Variants in SPIDR observed in about 807,000 individuals in gnomAD.
SPIDR encodes the protein scaffold protein involved in DNA repair.
Under a neutral mutation model 104.6 loss-of-function variants are expected in SPIDR, and 93 were observed. The observed-to-expected ratio is 0.89, with a 90% CI of 0.75 to 1.06. The LOEUF is 1.06. SPIDR is among the 50% of genes least tolerant of loss of function. SPIDR has a pLI of 0.00. For synonymous variants in SPIDR, 431 were observed against 416.9 expected, an observed-to-expected ratio of 1.03 and a Z score of -0.41; for missense variants, 1,154 against 1,111.2, an observed-to-expected ratio of 1.04 and a Z score of -0.55.
At chr8:47,502,770 A>G (rs189963943) in intron 8 of SPIDR, among the ~76,000 whole-genome samples, 4 of 152,162 alleles carry the variant, frequency 2.6e-5, no homozygotes, top group East Asian at 3.8e-4. Flanking sequence ...TCTTATGGGC[A>G]TTTAGTGCTA....
chr8:47,371,426 T>G (rs2058009718), intron 5 of SPIDR, among the ~76,000 whole-genome samples: 1 of 152,074 alleles, frequency 6.6e-6, no homozygotes, highest in Admixed American at 6.6e-5. Flanking sequence ...CAACAGAAAT[T>G]TCTCAGTTTT....
At chr8:47,412,700 C>T (rs781814068) in intron 7 of SPIDR, among the ~76,000 whole-genome samples, 7 of 152,176 alleles carry the variant, frequency 4.6e-5, no homozygotes, top group African/African-American at 9.7e-5. Context: ...TATGTTATCT[C>T]ATTTTAGTCT....
chr8:47,400,757 A>G (rs1554662065), intron 6 of SPIDR, among the ~76,000 whole-genome samples: 1 of 151,648 alleles, frequency 6.6e-6, no homozygotes, highest in African/African-American at 2.4e-5. Flanking sequence ...TAGATATTTA[A>G]GTGTGTTGGT....
chr8:47,359,776 C>T (rs1180057055), intron 5 of SPIDR, among the ~76,000 whole-genome samples: 1 of 152,116 alleles, frequency 6.6e-6, no homozygotes, highest in African/African-American at 2.4e-5. Flanking sequence ...TAGTGGTTTT[C>T]ATTTTGGAAT....
At chr8:47,301,744 C>G (rs1403133341) in intron 5 of SPIDR, among the ~76,000 whole-genome samples, 1 of 125,532 alleles carries the variant, frequency 8.0e-6, no homozygotes, top group Non-Finnish European at 1.7e-5. Flanking sequence ...GTTGAAAATT[C>G]TTGTCTTTAA....
chr8:47,703,142 G>A (rs1270005191), intron 14 of SPIDR, among the ~76,000 whole-genome samples: 7 of 152,272 alleles, frequency 4.6e-5, no homozygotes, highest in South Asian at 2.1e-4. Context: ...ACCCCGACAC[G>A]CTTGTTAGGA....
intron 8 of SPIDR, among the ~76,000 whole-genome samples, chr8:47,477,244 G>C (rs1715123206): frequency 1.3e-5 from 2 of 152,020 alleles, no homozygotes; most frequent in South Asian, 4.1e-4. Flanking sequence ...CTGTTGCCCA[G>C]GTTGGAGTGC....
At chr8:47,546,951 T>C in intron 8 of SPIDR, 1 of 489,492 alleles carries the variant, frequency 2.0e-6, no homozygotes, top group Non-Finnish European at 4.0e-6. Flanking sequence ...AGCTGTTCCA[T>C]TGGCATCTTT....
intron 8 of SPIDR, among the ~76,000 whole-genome samples, chr8:47,462,848 G>C (rs556113354): frequency 1.2e-4 from 18 of 152,126 alleles, no homozygotes; most frequent in Middle Eastern, 3.4e-3. Context: ...GAAAAAACTG[G>C]TCAAATTACT....
intron 10 of SPIDR, among the ~76,000 whole-genome samples, chr8:47,642,425 A>G (rs1188015724): frequency 6.6e-6 from 1 of 151,704 alleles, no homozygotes; most frequent in Non-Finnish European, 1.5e-5. Flanking sequence ...CAAAAAAAAA[A>G]AAAAAAAGAA....
intron 19 of SPIDR, chr8:47,732,051 G>A: frequency 1.5e-6 from 1 of 680,194 alleles, no homozygotes; most frequent in Non-Finnish European, 2.7e-6. Flanking sequence ...CAGCTGCCTG[G>A]CATCCCTGGT....
At position 47,438,917 on chromosome 8, in the gene SPIDR, A is replaced by T. The variant is rs1257459945; in HGVS notation, c.878-1406A>T. 3.3e-5 allele frequency among the ~76,000 whole-genome samples: 5 copies of T among 152,214 alleles called. No homozygotes were observed. In the East Asian group the frequency reaches 5.8e-4, roughly 18 times the overall value. ...GAAAGAAATAGATGATTAAAATCTT[A>T]GCACCGTCTAAATATTAATTTTTAC... On this transcript the variant is annotated intron_variant, in intron 7 of 19. Transcript: ENST00000297423.
chr8:47,626,892 A>G (rs1588551104), intron 10 of SPIDR, among the ~76,000 whole-genome samples: 1 of 152,322 alleles, frequency 6.6e-6, no homozygotes, highest in South Asian at 2.1e-4. Flanking sequence ...TACTGGGTAT[A>G]TACCCAAAGG....
At position 47,494,188 on chromosome 8, in the gene SPIDR, A is replaced by G. The variant is rs34720045; in HGVS notation, c.1097+53646A>G. On this transcript the variant is annotated intron_variant, in intron 8 of 19. Transcript: ENST00000297423. Reference sequence around the variant, plus strand: ...ATTTTTCATGGAAATGGGGGTGTCTATGTTGCCCAGGCTGGTCTTGAACTC... The same window carrying G: ...ATTTTTCATGGAAATGGGGGTGTCTGTGTTGCCCAGGCTGGTCTTGAACTC... Among the ~76,000 whole-genome samples, 502 of 150,260 alleles carry G rather than the reference A, an allele frequency of 3.3e-3. 2 individuals carry two copies. The highest frequency in any genetic ancestry group is 0.021 in the South Asian group (98 of 4,760).
intron 8 of SPIDR, among the ~76,000 whole-genome samples, chr8:47,453,987 T>G (rs1363684405): frequency 6.6e-6 from 1 of 150,500 alleles, no homozygotes; most frequent in Admixed American, 6.6e-5. Flanking sequence ...CAACAGGTGC[T>G]GGAGGATGTG....
intron 5 of SPIDR, among the ~76,000 whole-genome samples, chr8:47,386,430 A>C (rs2059916608): frequency 6.6e-6 from 1 of 152,182 alleles, no homozygotes; most frequent in Non-Finnish European, 1.5e-5. Flanking sequence ...TTTTGGTTAC[A>C]CTGAGGCTCC....
At chr8:47,486,945 A>G (rs1554731858) in intron 8 of SPIDR, among the ~76,000 whole-genome samples, 1 of 152,232 alleles carries the variant, frequency 6.6e-6, no homozygotes, top group African/African-American at 2.4e-5. Context: ...GCATTAACTA[A>G]CGAGCAAAAT....
intron 5 of SPIDR, among the ~76,000 whole-genome samples, chr8:47,335,178 AT>A (rs1257457872): frequency 5.9e-5 from 9 of 152,208 alleles, no homozygotes; most frequent in Non-Finnish European, 1.0e-4. Flanking sequence ...AAAAAATAAA[AT>A]TTTACTGTCT....
intron 7 of SPIDR, among the ~76,000 whole-genome samples, chr8:47,439,595 T>G (rs550099920): frequency 6.6e-6 from 1 of 152,334 alleles, no homozygotes; most frequent in South Asian, 2.1e-4. Flanking sequence ...ATCTGACAGT[T>G]TCTGGGTACC....
Sources: allele counts gnomAD v4.1 joint callset (sites outside exome capture counted in the v4.1 genomes callset), GRCh38; gene constraint gnomAD v4.1.1; transcripts MANE v1.5; gene names NCBI Gene and HGNC (gene_info 2026-07-23, HGNC 2026-07-21).